The following OPHN1 variants were observed in gnomAD, a reference collection of about 807,000 sequenced individuals.
The protein encoded by OPHN1 is oligophrenin 1, also known as oligophrenin-1.
In OPHN1, 11 loss-of-function variants were observed where a neutral mutation model predicts 60.7. The ratio of observed to expected loss-of-function variants is 0.18; its 90% CI spans 0.11 to 0.30. The LOEUF is 0.30. Among genes scored for constraint, OPHN1 ranks in the 10% least tolerant of loss-of-function variants. The pLI, the probability that OPHN1 is intolerant of heterozygous loss-of-function variation, is 1.00. For missense variants in OPHN1, 449 were observed against 611.0 expected (o/e 0.73, Z 2.80); for synonymous variants, 226 against 222.6 (o/e 1.02, Z -0.14).
chrX:68,120,213 A>T (rs981859672), intron 15 of OPHN1, among the ~76,000 whole-genome samples: 2 of 111,542 alleles, frequency 1.8e-5, no homozygotes, highest in African/African-American at 3.3e-5. Context: ...ATATGTAACC[A>T]CGGAAATATG....
At chrX:68,226,927 C>T (rs1323306453) in intron 6 of OPHN1, among the ~76,000 whole-genome samples, 3 of 111,623 alleles carry the variant, frequency 2.7e-5, no homozygotes, top group African/African-American at 9.8e-5. Context: ...TTAAAAGACA[C>T]AGACTGGAAA....
intron 2 of OPHN1, among the ~76,000 whole-genome samples, chrX:68,339,217 T>A (rs903733581): frequency 9.1e-6 from 1 of 109,515 alleles, no homozygotes; most frequent in Non-Finnish European, 1.9e-5. Context: ...TCCAAAATCT[T>A]TCTTTATAAA....
At chrX:68,161,099 G>A (rs912691653) in intron 15 of OPHN1, among the ~76,000 whole-genome samples, 8 of 110,367 alleles carry the variant, frequency 7.2e-5, no homozygotes, top group African/African-American at 3.3e-5. Context: ...AGATCAAAAA[G>A]ATATACCAAC....
chrX:68,192,169 A>G lies in OPHN1; in HGVS notation c.1276+750T>C, dbSNP rs2077491181. On this transcript the variant is annotated intron_variant, in intron 15 of 24. Transcript: ENST00000355520. ...GTCAAGGTGTAAAAAACAGAAAGAT[A>G]AAGGTTCAGCAAGTTATTGAAAAGG... 1.3e-4 allele frequency among the ~76,000 whole-genome samples: 14 copies of G among 111,900 alleles called. No homozygotes were observed. The Admixed American group carries it at 1.3e-3, about 11-fold the overall frequency.
At chrX:68,413,537 C>T (rs2078779036) in intron 2 of OPHN1, among the ~76,000 whole-genome samples, 1 of 111,625 alleles carries the variant, frequency 9.0e-6, no homozygotes, top group Admixed American at 9.6e-5. Flanking sequence ...ACCCAGGGCC[C>T]TTTGTTCAAC....
intron 2 of OPHN1, among the ~76,000 whole-genome samples, chrX:68,337,054 C>T (rs986478065): frequency 9.1e-6 from 1 of 109,886 alleles, no homozygotes; most frequent in Non-Finnish European, 1.9e-5. Flanking sequence ...GAGTGAGACT[C>T]TGTCCCAAAA....
intron 9 of OPHN1, among the ~76,000 whole-genome samples, chrX:68,208,478 T>A (rs1336311012): frequency 8.9e-6 from 1 of 111,968 alleles, no homozygotes; most frequent in African/African-American, 3.2e-5. Flanking sequence ...TTTAGATATA[T>A]GCCCCAAATA....
chrX:68,200,513 G>C (rs750512676), intron 11 of OPHN1, among the ~76,000 whole-genome samples: 2 of 111,365 alleles, frequency 1.8e-5, no homozygotes, highest in Admixed American at 1.9e-4. Flanking sequence ...CTGGAACTGA[G>C]GCTATCAGGA....
chrX:68,168,134 A>C (rs2077368790), intron 15 of OPHN1, among the ~76,000 whole-genome samples: 1 of 110,932 alleles, frequency 9.0e-6, no homozygotes, highest in Admixed American at 9.6e-5. Flanking sequence ...AATTGAACTC[A>C]GCTCTGCACC....
chrX:68,131,740 C>T (rs1029195776), intron 15 of OPHN1, among the ~76,000 whole-genome samples: 5 of 111,832 alleles, frequency 4.5e-5, no homozygotes, highest in African/African-American at 1.6e-4. Flanking sequence ...AACAATCTTA[C>T]AGATATATAT....
chrX:68,426,531 AT>A (rs763450780), intron 2 of OPHN1, among the ~76,000 whole-genome samples: 2 of 38,648 alleles, frequency 5.2e-5, no homozygotes, highest in South Asian at 1.7e-3. Flanking sequence ...TTAGTGATAT[AT>A]TTTTTTTCTG....
intron 2 of OPHN1, among the ~76,000 whole-genome samples, chrX:68,384,783 T>C (rs2078616184): frequency 9.0e-6 from 1 of 111,286 alleles, no homozygotes; most frequent in Non-Finnish European, 1.9e-5. Context: ...TTAGAGGCCA[T>C]TATTCTAAGT....
intron 15 of OPHN1, among the ~76,000 whole-genome samples, chrX:68,142,952 T>C (rs1179899845): frequency 9.0e-6 from 1 of 111,696 alleles, no homozygotes; most frequent in Non-Finnish European, 1.9e-5. Context: ...TTTCTACAAA[T>C]TTGATTTCAT....
chrX:68,375,959 C>G, intron 2 of OPHN1, among the ~76,000 whole-genome samples: 1 of 111,190 alleles, frequency 9.0e-6, no homozygotes, highest in South Asian at 3.8e-4. Context: ...GTTTGCAATA[C>G]TTTGCAATAT....
rs189747837 is a variant in OPHN1 at position 68,426,413 on chromosome X, C to A, written c.154+6454G>T. ...CCGAGATGGCACCACTGTACTCCAGCCTGGGTGACTGAGTAAGACTCTGTC... is the reference window on the plus strand; with the variant it reads ...CCGAGATGGCACCACTGTACTCCAGACTGGGTGACTGAGTAAGACTCTGTC... On this transcript the variant is annotated intron_variant, in intron 2 of 24. Transcript: ENST00000355520. Among the ~76,000 whole-genome samples, 10 of 106,001 alleles carry A rather than the reference C, an allele frequency of 9.4e-5. No homozygotes were observed. In the East Asian group the frequency reaches 3.1e-3, roughly 33 times the overall value. 92.0% of individuals were successfully genotyped at this position (106,001 alleles called of 115,157 possible).
intron 5 of OPHN1, among the ~76,000 whole-genome samples, chrX:68,244,824 T>C (rs2077797556): frequency 9.0e-6 from 1 of 111,625 alleles, no homozygotes; most frequent in Non-Finnish European, 1.9e-5. Context: ...ACTATTCTTA[T>C]CCCAATTTTA....
At chrX:68,211,416 GTTTA>G (rs1193774172) in intron 8 of OPHN1, among the ~76,000 whole-genome samples, 1 of 112,358 alleles carries the variant, frequency 8.9e-6, no homozygotes, top group East Asian at 2.8e-4. Context: ...ATTTATCTCT[GTTTA>G]TTTGTCTCCT....
intron 2 of OPHN1, among the ~76,000 whole-genome samples, chrX:68,397,375 T>C (rs1476087233): frequency 9.1e-6 from 1 of 109,399 alleles, no homozygotes; most frequent in East Asian, 2.9e-4. Context: ...CTCTGCAAGT[T>C]TCCCAGGTAG....
intron 5 of OPHN1, among the ~76,000 whole-genome samples, chrX:68,270,645 G>C (rs2077963543): frequency 9.5e-6 from 1 of 105,621 alleles, no homozygotes; most frequent in Non-Finnish European, 1.9e-5. Flanking sequence ...TGTAAATGAC[G>C]AGTTAATGGG....
Sources: allele counts gnomAD v4.1 joint callset (sites outside exome capture counted in the v4.1 genomes callset), GRCh38; gene constraint gnomAD v4.1.1; transcripts MANE v1.5; gene names NCBI Gene and HGNC (gene_info 2026-07-23, HGNC 2026-07-21).